Variants in LHPP observed in about 807,000 individuals in gnomAD.
LHPP encodes hLHPP.
In LHPP, 24 loss-of-function variants were observed where a neutral mutation model predicts 30.3. That is an observed-to-expected ratio of 0.79 (90% CI 0.57 to 1.11). LHPP has a LOEUF of 1.11. Ranked by LOEUF, LHPP falls within the 50% of genes most tolerant of loss-of-function variation. LHPP has a pLI of 0.00. For synonymous variants in LHPP, 150 were observed against 157.1 expected (o/e 0.95, Z 0.34); for missense variants, 356 against 367.2 (o/e 0.97, Z 0.25).
At chr10:124,554,120 G>A (rs1306881557) in intron 6 of LHPP, 4 of 940,620 alleles carry the variant, frequency 4.3e-6, no homozygotes, top group Admixed American at 6.2e-5. Flanking sequence ...ATTTACAGCT[G>A]GGACGACCTG....
chr10:124,547,124 C>T (rs997375402), intron 6 of LHPP, among the ~76,000 whole-genome samples: 1 of 152,176 alleles, frequency 6.6e-6, no homozygotes, highest in Non-Finnish European at 1.5e-5. Flanking sequence ...CATTTCACTT[C>T]ATGGTGCGTC....
chr10:124,582,030 C>T (rs1426786265), intron 6 of LHPP, among the ~76,000 whole-genome samples: 1 of 152,130 alleles, frequency 6.6e-6, no homozygotes, highest in Non-Finnish European at 1.5e-5. Context: ...GATCCACCCA[C>T]CTTGGCCTCC....
intron 1 of LHPP, among the ~76,000 whole-genome samples, chr10:124,475,008 A>G (rs1952897010): frequency 7.2e-6 from 1 of 137,978 alleles, no homozygotes; most frequent in Non-Finnish European, 1.5e-5. Flanking sequence ...AGTATTTGAA[A>G]TGTGCCAGGT....
intron 5 of LHPP, among the ~76,000 whole-genome samples, chr10:124,504,492 TG>T (rs903158463): frequency 3.4e-5 from 5 of 146,150 alleles, no homozygotes; most frequent in Non-Finnish European, 7.5e-5. Context: ...TCCAGCTACT[TG>T]GGGGGCTGAG....
At chr10:124,500,003 A>C (rs1211269664) in intron 5 of LHPP, among the ~76,000 whole-genome samples, 1 of 152,014 alleles carries the variant, frequency 6.6e-6, no homozygotes, top group East Asian at 1.9e-4. Context: ...GCAGCAATAA[A>C]TAACCTGGCT....
At chr10:124,585,334 G>T (rs1210241051) in intron 6 of LHPP, among the ~76,000 whole-genome samples, 1 of 152,020 alleles carries the variant, frequency 6.6e-6, no homozygotes, top group African/African-American at 2.4e-5. Context: ...GGAGACTTAG[G>T]CCAGGAGCGG....
In LHPP at chr10:124,482,343, A is replaced by G. The variant is rs180677923; in HGVS notation, c.126-1796A>G. ...ACTTGAAAGAATAGGTGAAGAGCCAAGATGTCTGCATCTTTGGAGATCAGT... is the reference window on the plus strand; with the variant it reads ...ACTTGAAAGAATAGGTGAAGAGCCAGGATGTCTGCATCTTTGGAGATCAGT... On this transcript the variant is annotated intron_variant, in intron 1 of 6. Transcript: ENST00000368842. 4.3e-3 allele frequency among the ~76,000 whole-genome samples: 658 copies of G among 152,386 alleles called. 5 individuals are homozygous for G. The highest frequency in any genetic ancestry group is 0.015 in the African/African-American group (627 of 41,586).
chr10:124,474,132 CTTTTTT>C (rs544464876), intron 1 of LHPP, among the ~76,000 whole-genome samples: 45 of 71,906 alleles, frequency 6.3e-4, no homozygotes, highest in Non-Finnish European at 9.7e-4. Flanking sequence ...TTGCTTTGCC[CTTTTTT>C]TTTTTTTTTT....
chr10:124,527,989 A>T (rs1410427150), intron 6 of LHPP, among the ~76,000 whole-genome samples: 1 of 152,104 alleles, frequency 6.6e-6, no homozygotes, highest in Non-Finnish European at 1.5e-5. Context: ...TGTGTTGCCC[A>T]GCCTCCTGGG....
intron 6 of LHPP, chr10:124,526,046 A>G (rs1954724339): frequency 2.9e-6 from 1 of 349,968 alleles, no homozygotes; most frequent in Admixed American, 6.4e-5. Context: ...AACCCCAGGA[A>G]TTTGCCTCTT....
chr10:124,593,086 C>T lies in LHPP; in HGVS notation c.717-20178C>T, dbSNP rs1345146037. ...GGAAATACAGGGGGAGGGTGCTGCC[C>T]TCCCCACTGGCCCGCTCTGGGTCCC... On this transcript the variant is annotated intron_variant, in intron 6 of 6. Transcript: ENST00000368842. This position sits in a 1 kb window ranked among gnomAD's most constrained non-coding sequence, Gnocchi z 4.9. Among the ~76,000 whole-genome samples, 2 of 152,180 alleles carry T rather than the reference C, an allele frequency of 1.3e-5. No individual in the cohort carries two copies. Among genetic ancestry groups the T allele is most frequent in the Non-Finnish European group, 2.9e-5 (2 of 68,026 alleles).
chr10:124,470,038 T>G (rs1437214706), intron 1 of LHPP, among the ~76,000 whole-genome samples: 1 of 152,158 alleles, frequency 6.6e-6, no homozygotes, highest in Non-Finnish European at 1.5e-5. Context: ...CTAGGACTTG[T>G]GGGTGGGCGT....
chr10:124,513,567 C>A (rs1319473805), intron 5 of LHPP, among the ~76,000 whole-genome samples: 1 of 139,860 alleles, frequency 7.2e-6, no homozygotes, highest in Non-Finnish European at 1.5e-5. Context: ...CAGGTTCAAG[C>A]AATTCGTGTG....
chr10:124,467,248 G>A (rs1952576887), intron 1 of LHPP, among the ~76,000 whole-genome samples: 1 of 152,104 alleles, frequency 6.6e-6, no homozygotes, highest in Admixed American at 6.6e-5. Flanking sequence ...ATGGAGATGG[G>A]GAGGAAGGCA....
intron 6 of LHPP, among the ~76,000 whole-genome samples, chr10:124,555,950 C>G (rs905110332): frequency 4.6e-5 from 7 of 152,116 alleles, no homozygotes; most frequent in African/African-American, 1.2e-4. Flanking sequence ...ACAGCTGGGA[C>G]GTAGTGCAAC....
intron 6 of LHPP, among the ~76,000 whole-genome samples, chr10:124,551,661 T>G (rs1948168991): frequency 6.6e-6 from 1 of 152,148 alleles, no homozygotes; most frequent in South Asian, 2.1e-4. Context: ...GGGAGAGGCC[T>G]CAGCCAGGGT....
intron 6 of LHPP, among the ~76,000 whole-genome samples, chr10:124,539,533 A>T (rs1180614039): frequency 6.6e-6 from 1 of 151,976 alleles, no homozygotes; most frequent in Non-Finnish European, 1.5e-5. Context: ...GGCCAAGGAG[A>T]GCGGATCACT....
At chr10:124,528,445 G>A (rs10901750) in intron 6 of LHPP, among the ~76,000 whole-genome samples, 79,463 of 151,884 alleles carry the variant, frequency 0.52, 21,466 homozygotes, top group South Asian at 0.68. Flanking sequence ...TGCAACCTCC[G>A]CCTCCCGGGT....
At chr10:124,519,657 T>C (rs1266710301) in intron 6 of LHPP, among the ~76,000 whole-genome samples, 1 of 152,172 alleles carries the variant, frequency 6.6e-6, no homozygotes, top group East Asian at 1.9e-4. Context: ...TCCTCATAAC[T>C]TAGCTCCCAC....
Sources: allele counts gnomAD v4.1 joint callset (sites outside exome capture counted in the v4.1 genomes callset), GRCh38; gene constraint gnomAD v4.1.1; non-coding constraint Gnocchi (gnomAD v3.1); transcripts MANE v1.5; gene names NCBI Gene and HGNC (gene_info 2026-07-23, HGNC 2026-07-21).